Variants in ANKS1B observed in about 807,000 individuals in gnomAD.
The protein encoded by ANKS1B is ankyrin repeat and sterile alpha motif domain-containing protein 1B.
ANKS1B carries 36 observed loss-of-function variants against 148.3 expected under a neutral mutation model. The ratio of observed to expected loss-of-function variants is 0.24; its 90% CI spans 0.19 to 0.32. ANKS1B has a LOEUF of 0.32. Among genes scored for constraint, ANKS1B ranks in the 10% least tolerant of loss-of-function variants. The pLI is 1.00. For synonymous variants in ANKS1B, 542 were observed against 560.8 expected, an observed-to-expected ratio of 0.97 and a Z score of 0.47; for missense variants, 1,157 against 1,542.6, an observed-to-expected ratio of 0.75 and a Z score of 4.19.
At chr12:99,708,482 G>C (rs1023612355) in intron 8 of ANKS1B, among the ~76,000 whole-genome samples, 2 of 152,034 alleles carry the variant, frequency 1.3e-5, no homozygotes, top group African/African-American at 4.8e-5. Flanking sequence ...AGTTTCACTG[G>C]GCTAAAGTCA....
chr12:98,870,630 C>G (rs1005147132), intron 17 of ANKS1B, among the ~76,000 whole-genome samples: 19 of 152,240 alleles, frequency 1.2e-4, no homozygotes, highest in African/African-American at 4.6e-4. Flanking sequence ...CCCCAATTAA[C>G]TGGTAACGAG....
chr12:99,105,299 ATG>A (rs2058917646), intron 15 of ANKS1B, among the ~76,000 whole-genome samples: 2 of 152,148 alleles, frequency 1.3e-5, no homozygotes, highest in East Asian at 3.9e-4. Flanking sequence ...CCGTTTTTTC[ATG>A]TGTACACACT....
At chr12:98,955,806 G>C (rs969897306) in intron 17 of ANKS1B, among the ~76,000 whole-genome samples, 1 of 152,180 alleles carries the variant, frequency 6.6e-6, no homozygotes, top group Non-Finnish European at 1.5e-5. Context: ...ACTTAGCTTT[G>C]GCAATGTTGA....
At chr12:99,524,835 C>A (rs531183344) in intron 9 of ANKS1B, among the ~76,000 whole-genome samples, 1 of 152,092 alleles carries the variant, frequency 6.6e-6, no homozygotes, top group African/African-American at 2.4e-5. Context: ...TGGGGAACTG[C>A]CCCCATAATT....
At chr12:99,644,341 A>C (rs1390009430) in intron 9 of ANKS1B, among the ~76,000 whole-genome samples, 2 of 152,162 alleles carry the variant, frequency 1.3e-5, no homozygotes, top group Non-Finnish European at 2.9e-5. Flanking sequence ...GGTATTCTCT[A>C]AGATCATACA....
chr12:99,267,350 A>ACTCT (rs143547878), intron 12 of ANKS1B, among the ~76,000 whole-genome samples: 1 of 148,516 alleles, frequency 6.7e-6, no homozygotes, highest in South Asian at 2.1e-4. Context: ...TTCTCTCCTG[A>ACTCT]CTCTCTCTCT....
intron 9 of ANKS1B, among the ~76,000 whole-genome samples, chr12:99,628,588 G>A (rs1336099688): frequency 1.3e-5 from 2 of 152,108 alleles, no homozygotes; most frequent in African/African-American, 4.8e-5. Context: ...GACCCTTATT[G>A]CCTTAATCTG....
At chr12:99,005,151 C>T (rs1415270793) in intron 17 of ANKS1B, among the ~76,000 whole-genome samples, 1 of 152,202 alleles carries the variant, frequency 6.6e-6, no homozygotes, top group Non-Finnish European at 1.5e-5. Flanking sequence ...TTAATAGGCA[C>T]ATCTCTCCAA....
intron 17 of ANKS1B, among the ~76,000 whole-genome samples, chr12:98,934,751 C>A (rs1236595116): frequency 6.6e-6 from 1 of 151,150 alleles, no homozygotes; most frequent in East Asian, 1.9e-4. Flanking sequence ...TTCCTAATTT[C>A]TTTTTTCAGA....
chr12:98,886,270 T>C (rs1217297047), intron 17 of ANKS1B, among the ~76,000 whole-genome samples: 1 of 152,130 alleles, frequency 6.6e-6, no homozygotes, highest in Non-Finnish European at 1.5e-5. Context: ...AATTAAGGAC[T>C]AAAGATCATA....
chr12:99,748,069 T>A (rs1014571192), intron 8 of ANKS1B, among the ~76,000 whole-genome samples: 10 of 152,142 alleles, frequency 6.6e-5, no homozygotes, highest in Admixed American at 1.3e-4. Flanking sequence ...ATAATGCAGT[T>A]ATTATGATTG....
chr12:99,195,622 A>T (rs866958893), intron 14 of ANKS1B, among the ~76,000 whole-genome samples: 11 of 152,276 alleles, frequency 7.2e-5, no homozygotes, highest in South Asian at 6.2e-4. Context: ...AGCTTGTAGG[A>T]GTTGGGTCAA....
chr12:99,870,556 A>C (rs2091380488), intron 1 of ANKS1B, among the ~76,000 whole-genome samples: 1 of 152,212 alleles, frequency 6.6e-6, no homozygotes, highest in Admixed American at 6.5e-5. Context: ...ACAGTATGTA[A>C]GTGTTCCCTT....
chr12:99,793,671 C>T (rs936336812), intron 4 of ANKS1B, among the ~76,000 whole-genome samples: 15 of 151,986 alleles, frequency 9.9e-5, no homozygotes, highest in Non-Finnish European at 2.2e-4. Context: ...AAAATCAAAT[C>T]AAAATGGATT....
intron 12 of ANKS1B, among the ~76,000 whole-genome samples, chr12:99,268,562 G>A (rs2076695295): frequency 6.6e-6 from 1 of 152,180 alleles, no homozygotes; most frequent in Non-Finnish European, 1.5e-5. Context: ...TTTGTCCCCA[G>A]TGGGTATTCA....
intron 8 of ANKS1B, among the ~76,000 whole-genome samples, chr12:99,734,312 C>T (rs1270243586): frequency 6.6e-6 from 1 of 152,028 alleles, no homozygotes; most frequent in Non-Finnish European, 1.5e-5. Context: ...ATTTCTCCCA[C>T]ATCTTTTTTT....
At chr12:99,472,830 C>T (rs538387844) in intron 10 of ANKS1B, among the ~76,000 whole-genome samples, 178 of 152,090 alleles carry the variant, frequency 1.2e-3, no homozygotes, top group African/African-American at 3.8e-3. Flanking sequence ...TTGCTTTTAA[C>T]CATGTCAAAT....
intron 9 of ANKS1B, among the ~76,000 whole-genome samples, chr12:99,515,186 CTT>C (rs1347674038): frequency 6.6e-6 from 1 of 150,986 alleles, no homozygotes; most frequent in African/African-American, 2.5e-5. Context: ...CAATTATACC[CTT>C]TTAGTTATCT....
intron 17 of ANKS1B, among the ~76,000 whole-genome samples, chr12:98,860,881 A>G (rs147119874): frequency 6.6e-6 from 1 of 152,362 alleles, no homozygotes; most frequent in East Asian, 1.9e-4. Context: ...TTAAACTAAA[A>G]TTAAAAAAAA....
Sources: allele counts gnomAD v4.1 joint callset (sites outside exome capture counted in the v4.1 genomes callset), GRCh38; gene constraint gnomAD v4.1.1; transcripts MANE v1.5; gene names NCBI Gene and HGNC (gene_info 2026-07-23, HGNC 2026-07-21).